The following CTNNA2 variants were observed in gnomAD, a reference collection of about 807,000 sequenced individuals.
CTNNA2 encodes catenin alpha 2, also known as catenin alpha-2.
Under a neutral mutation model 101.0 loss-of-function variants are expected in CTNNA2, and 42 were observed. The observed-to-expected ratio is 0.42, with a 90% CI of 0.32 to 0.54. The LOEUF (loss-of-function observed/expected upper bound fraction) is 0.54. CTNNA2 is among the 20% of genes least tolerant of loss of function. The pLI is 0.14. For synonymous variants in CTNNA2, 450 were observed against 456.4 expected (o/e 0.99, Z 0.18); for missense variants, 871 against 1,223.1 (o/e 0.71, Z 4.29).
chr2:79,305,527 TG>T (rs55926120), intron 2 of CTNNA2, among the ~76,000 whole-genome samples: 11,352 of 151,780 alleles, frequency 0.075, 494 homozygotes, highest in South Asian at 0.13. Flanking sequence ...ACACTCTTTT[TG>T]CTTTCTCGAT....
At position 80,302,864 on chromosome 2, in the gene CTNNA2, C is replaced by T. The variant is rs769263998; in HGVS notation, c.1057-90347C>T. On this transcript the variant is annotated intron_variant, in intron 7 of 18. Coordinates refer to ENST00000402739, the MANE Select transcript of CTNNA2 (RefSeq NM_001282597.3). This position sits in a 1 kb window ranked among gnomAD's most constrained non-coding sequence, Gnocchi z 6.4. ...CGAGGCTAGGGCACACACGTTGCGC[C>T]CGCAATCCCACAGGTTCCCGGCCAG... 6.2e-6 allele frequency: 10 copies of T among 1,614,024 alleles called. No homozygotes were observed. Among genetic ancestry groups the T allele is most frequent in the African/African-American group, 5.3e-5 (4 of 74,932 alleles).
At chr2:80,389,861 C>T (rs570996769) in intron 7 of CTNNA2, among the ~76,000 whole-genome samples, 5 of 152,134 alleles carry the variant, frequency 3.3e-5, no homozygotes, top group African/African-American at 9.6e-5. Flanking sequence ...TGTTTTCAGC[C>T]AAAGACTTTG....
intron 7 of CTNNA2, among the ~76,000 whole-genome samples, chr2:80,137,793 C>T (rs2148904375): frequency 6.6e-6 from 1 of 151,468 alleles, no homozygotes; most frequent in South Asian, 2.1e-4. Flanking sequence ...TCTATTGGGA[C>T]TTCTGTGTAT....
chr2:79,682,595 A>T (rs1382543231), intron 2 of CTNNA2, among the ~76,000 whole-genome samples: 2 of 152,140 alleles, frequency 1.3e-5, no homozygotes, highest in African/African-American at 2.4e-5. Context: ...AGAATGTTCT[A>T]ACAATCTAGA....
Position 80,303,021 on chromosome 2 carries a change from C to G in CTNNA2, c.1057-90190C>G, listed in dbSNP as rs769011283. On this transcript the variant is annotated intron_variant, in intron 7 of 18. Transcript: ENST00000402739. This position sits in a 1 kb window ranked among gnomAD's most constrained non-coding sequence, Gnocchi z 7.7. ...ACATGGGGCTCCATGTACTCGATCT[C>G]GTTGCCCGACAAGTCCATTTTCTCC... 14 of 1,613,798 alleles carry G rather than the reference C, an allele frequency of 8.7e-6. No individual in the cohort carries two copies. The South Asian group carries it at 9.9e-5, about 11-fold the overall frequency.
chr2:80,542,621 T>C (rs1691670966), intron 9 of CTNNA2, among the ~76,000 whole-genome samples: 2 of 152,060 alleles, frequency 1.3e-5, no homozygotes, highest in Non-Finnish European at 2.9e-5. Context: ...ACCTGATTCT[T>C]GGGGCATTTT....
chr2:80,394,445 T>G (rs1677814050), intron 8 of CTNNA2, among the ~76,000 whole-genome samples: 1 of 152,204 alleles, frequency 6.6e-6, no homozygotes, highest in African/African-American at 2.4e-5. Context: ...AACAAACCTT[T>G]TGGGGGAAAC....
intron 7 of CTNNA2, among the ~76,000 whole-genome samples, chr2:80,294,277 AT>A (rs1350783757): frequency 3.3e-5 from 5 of 152,222 alleles, no homozygotes; most frequent in Admixed American, 3.3e-4. Context: ...AAAAACAAAT[AT>A]AAGAATAATT....
At chr2:79,207,655 C>G (rs796820482) in intron 2 of CTNNA2, among the ~76,000 whole-genome samples, 1 of 152,182 alleles carries the variant, frequency 6.6e-6, no homozygotes, top group African/African-American at 2.4e-5. Context: ...AGTGGTGGTT[C>G]GGGGCTTTTT....
intron 9 of CTNNA2, among the ~76,000 whole-genome samples, chr2:80,428,388 T>C (rs1681184649): frequency 6.6e-6 from 1 of 152,172 alleles, no homozygotes; most frequent in African/African-American, 2.4e-5. Context: ...TCCAATGATA[T>C]TGCAATAGTC....
chr2:80,550,295 C>T (rs1373350266), intron 11 of CTNNA2, among the ~76,000 whole-genome samples: 1 of 152,170 alleles, frequency 6.6e-6, no homozygotes, highest in East Asian at 1.9e-4. Flanking sequence ...GAGCCTTCAG[C>T]CAGCCATAAT....
At chr2:79,656,956 G>A (rs954789490) in intron 2 of CTNNA2, among the ~76,000 whole-genome samples, 1 of 151,440 alleles carries the variant, frequency 6.6e-6, no homozygotes, top group African/African-American at 2.4e-5. Context: ...AACAAAATAG[G>A]CACATCCAGT....
chr2:79,414,724 T>G (rs940887633), intron 4 of CTNNA2, among the ~76,000 whole-genome samples: 1 of 151,988 alleles, frequency 6.6e-6, no homozygotes, highest in African/African-American at 2.4e-5. Flanking sequence ...TAATACCAGA[T>G]GCAAAAGCTA....
At chr2:80,250,016 C>A (rs984444623) in intron 7 of CTNNA2, among the ~76,000 whole-genome samples, 2 of 152,182 alleles carry the variant, frequency 1.3e-5, no homozygotes, top group South Asian at 4.2e-4. Context: ...CATGTTCCAG[C>A]CCCTCCTCCC....
chr2:79,812,236 T>C (rs1354743891), intron 3 of CTNNA2, among the ~76,000 whole-genome samples: 2 of 152,194 alleles, frequency 1.3e-5, no homozygotes, highest in African/African-American at 2.4e-5. Flanking sequence ...TTCTTTTTCT[T>C]GACTATTGCA....
intron 3 of CTNNA2, among the ~76,000 whole-genome samples, chr2:79,747,840 G>A (rs1671745654): frequency 6.6e-6 from 1 of 152,152 alleles, no homozygotes; most frequent in African/African-American, 2.4e-5. Context: ...TTCTATATCA[G>A]AAATGTTGTC....
intron 2 of CTNNA2, among the ~76,000 whole-genome samples, chr2:79,689,198 G>A (rs1002242365): frequency 6.6e-6 from 1 of 151,692 alleles, no homozygotes; most frequent in Non-Finnish European, 1.5e-5. Context: ...GAAGTACAAG[G>A]CATTTTTGTG....
At chr2:79,943,753 G>T (rs1261858524) in intron 7 of CTNNA2, among the ~76,000 whole-genome samples, 7 of 152,216 alleles carry the variant, frequency 4.6e-5, no homozygotes, top group African/African-American at 1.4e-4. Context: ...ATAAAAGAGT[G>T]CTTGAAAATG....
At chr2:80,138,777 A>G (rs1702836447) in intron 7 of CTNNA2, among the ~76,000 whole-genome samples, 1 of 152,206 alleles carries the variant, frequency 6.6e-6, no homozygotes, top group Non-Finnish European at 1.5e-5. Flanking sequence ...AAAGCATTTC[A>G]TTTAGCACAA....
Sources: allele counts gnomAD v4.1 joint callset (sites outside exome capture counted in the v4.1 genomes callset), GRCh38; gene constraint gnomAD v4.1.1; non-coding constraint Gnocchi (gnomAD v3.1); transcripts MANE v1.5; gene names NCBI Gene and HGNC (gene_info 2026-07-23, HGNC 2026-07-21).